PTDSS2: variants seen among roughly 807,000 people sequenced by gnomAD.
The protein encoded by PTDSS2 is phosphatidylserine synthase 2.
In PTDSS2, 41 loss-of-function variants were observed where a neutral mutation model predicts 64.7. That is an observed-to-expected ratio of 0.63 (90% CI 0.49 to 0.82). The LOEUF is 0.82. PTDSS2 is among the 40% of genes least tolerant of loss of function. The pLI is 0.00. For synonymous variants in PTDSS2, 297 were observed against 277.8 expected, an observed-to-expected ratio of 1.07 and a Z score of -0.69; for missense variants, 485 against 650.0, an observed-to-expected ratio of 0.75 and a Z score of 2.76.
intron 3 of PTDSS2, among the ~76,000 whole-genome samples, chr11:474,763 G>A (rs992700660): frequency 1.4e-5 from 2 of 144,704 alleles, no homozygotes; most frequent in Non-Finnish European, 2.9e-5. Flanking sequence ...AGAAAATTTC[G>A]AAAATACAAA....
At chr11:483,382 T>A (rs1343856632) in intron 4 of PTDSS2, among the ~76,000 whole-genome samples, 3 of 151,694 alleles carry the variant, frequency 2.0e-5, no homozygotes, top group African/African-American at 7.3e-5. Flanking sequence ...TAGATCTCCC[T>A]ACCGAGTGGA....
intron 1 of PTDSS2, among the ~76,000 whole-genome samples, chr11:457,617 G>A (rs948069060): frequency 6.6e-6 from 1 of 152,220 alleles, no homozygotes; most frequent in Non-Finnish European, 1.5e-5. Context: ...TCCGCTGGTC[G>A]GAGGGACCAC....
rs190536141 is a variant in PTDSS2, at chr11:470,296, G to A, written c.285-3599G>A. Among the ~76,000 whole-genome samples the A allele has an allele frequency of 6.6e-6, 1 of 152,138 alleles. No homozygotes were observed. The highest frequency in any genetic ancestry group is 1.5e-5 in the Non-Finnish European group (1 of 68,010). ...GCTGCCCCATCCTCCCAACCCCGAC[G>A]ACCCCAGCCCGGCCATGCAGAGGCA... On this transcript the variant is annotated intron_variant, in intron 2 of 11. Coordinates refer to ENST00000308020, the MANE Select transcript of PTDSS2 (RefSeq NM_030783.3). This position sits in a 1 kb window ranked among gnomAD's most constrained non-coding sequence, Gnocchi z 5.3.
intron 1 of PTDSS2, chr11:458,987 G>A (rs1479745412): frequency 6.6e-6 from 1 of 152,300 alleles, no homozygotes; most frequent in Non-Finnish European, 1.5e-5. Flanking sequence ...GGAAACTGAG[G>A]CACGGAGGGG....
In PTDSS2 at chr11:479,231, G is replaced by A; in HGVS notation, c.435+79G>A. 1 of 1,158,748 alleles carries A rather than the reference G, an allele frequency of 8.6e-7. No individual in the cohort carries two copies. Among genetic ancestry groups the A allele is most frequent in the Non-Finnish European group, 1.3e-6 (1 of 764,848 alleles). The allele number at this position is 1,158,748 out of a possible 1,614,324, so 71.8% of individuals were successfully genotyped here. ...CAGGCATGGTGACAAAGGAGGCCTTGCCCACACAGCCCTCGAGTGATGGGA... is the reference window on the plus strand; with the variant it reads ...CAGGCATGGTGACAAAGGAGGCCTTACCCACACAGCCCTCGAGTGATGGGA... On this transcript the variant is annotated intron_variant, in intron 4 of 11. Transcript: ENST00000308020. The surrounding 1 kb of genome is among the most constrained non-coding windows in gnomAD (Gnocchi z 4.2).
At chr11:452,108 G>A (rs979145770) in intron 1 of PTDSS2, among the ~76,000 whole-genome samples, 3 of 152,088 alleles carry the variant, frequency 2.0e-5, no homozygotes, top group African/African-American at 7.2e-5. Flanking sequence ...AGGTCCCGGA[G>A]CAAGAAGACC....
intron 9 of PTDSS2, 27 bp downstream of exon 9, chr11:489,541 GC>G (rs772604748): frequency 4.3e-6 from 7 of 1,609,516 alleles, no homozygotes; most frequent in Middle Eastern, 1.7e-4. Context: ...TCGCGACGGC[GC>G]GGCGGGCGGG....
chr11:454,359 G>T (rs181675803), intron 1 of PTDSS2, among the ~76,000 whole-genome samples: 1 of 152,170 alleles, frequency 6.6e-6, no homozygotes, highest in African/African-American at 2.4e-5. Context: ...GGGGCGAAGG[G>T]TTACCTTTAT....
intron 1 of PTDSS2, among the ~76,000 whole-genome samples, chr11:455,390 G>A (rs1846538812): frequency 6.6e-6 from 1 of 152,162 alleles, no homozygotes; most frequent in African/African-American, 2.4e-5. Context: ...CTCACAGCAG[G>A]CTCCTGTCCC....
intron 4 of PTDSS2, chr11:480,138 G>A (rs1193602282): frequency 2.6e-5 from 4 of 154,750 alleles, no homozygotes; most frequent in Non-Finnish European, 4.3e-5. Context: ...GGAATCGTGG[G>A]GTGGGCAGCC....
At chr11:483,607 A>C (rs1848163197) in intron 4 of PTDSS2, among the ~76,000 whole-genome samples, 1 of 152,220 alleles carries the variant, frequency 6.6e-6, no homozygotes, top group Non-Finnish European at 1.5e-5. Context: ...TAATATGATG[A>C]ATTACATTGA....
rs902963681 is a variant in PTDSS2 at position 479,410 on chromosome 11, G to A, written c.435+258G>A. 3.7e-5 allele frequency: 21 copies of A among 565,340 alleles called. No individual in the cohort carries two copies. Among genetic ancestry groups the A allele is most frequent in the African/African-American group, 5.8e-5 (3 of 51,878 alleles). 35.0% of individuals were successfully genotyped at this position (565,340 alleles called of 1,614,324 possible). ...CTCCAGGAGCATCTGCTGGTGGGGC[G>A]CTGACTGTGGCCATTTAGCAGGGCC... On this transcript the variant is annotated intron_variant, in intron 4 of 11. Transcript: ENST00000308020. This position sits in a 1 kb window ranked among gnomAD's most constrained non-coding sequence, Gnocchi z 4.2.
At chr11:481,297 AGTTT>A (rs1388653550) in intron 4 of PTDSS2, among the ~76,000 whole-genome samples, 1 of 152,160 alleles carries the variant, frequency 6.6e-6, no homozygotes, top group Non-Finnish European at 1.5e-5. Context: ...GAGTTCACCC[AGTTT>A]GTTCTTTTTC....
chr11:481,628 A>G (rs1471679075), intron 4 of PTDSS2, among the ~76,000 whole-genome samples: 11 of 152,148 alleles, frequency 7.2e-5, no homozygotes, highest in Admixed American at 7.2e-4. Flanking sequence ...GAACTGTTTT[A>G]ATTTTACTTT....
rs1170355432 is a variant in PTDSS2 at position 473,916 on chromosome 11, G to T, written c.306G>T (p.Leu102Phe). ...GCAGAGGTATTGTGGCCAGTATTTT[G>T]GTTTTCTTATGTTTTGGAGTCACAC... ...NTKRGIVASI[L>F]VFLCFGVTQA... The change falls in exon 3 of 12, where the codon TTG (leucine) becomes TTT (phenylalanine). Residue 102 changes from leucine (L) to phenylalanine (F), a missense_variant. Leu to Phe is a conservative substitution (Grantham distance 22). This residue lies in a region of PTDSS2 where 251 missense variants were observed against 348.0 expected (regional missense o/e 0.72). Transcript: ENST00000308020. The T allele has an allele frequency of 5.0e-6, 8 of 1,613,586 alleles. No individual in the cohort carries two copies. The highest frequency in any genetic ancestry group is 5.9e-6 in the Non-Finnish European group (7 of 1,179,622).
At chr11:454,901 T>G (rs1382951350) in intron 1 of PTDSS2, among the ~76,000 whole-genome samples, 3 of 152,210 alleles carry the variant, frequency 2.0e-5, no homozygotes, top group African/African-American at 7.2e-5. Flanking sequence ...ACCCCATCCC[T>G]TGAGCTTTGC....
chr11:469,814 G>A (rs897604559), intron 2 of PTDSS2, among the ~76,000 whole-genome samples: 2 of 152,184 alleles, frequency 1.3e-5, no homozygotes, highest in African/African-American at 4.8e-5. Flanking sequence ...GGCAGGAAAT[G>A]CCCAGGATCA....
rs772769036 is a variant in PTDSS2, at chr11:479,038, G to A, written c.368-47G>A. ...CCGGCCTGGGGCTGAGCGGGGCCGT[G>A]GAGGCCTGGACCGGGCGCACTAACG... On this transcript the variant is annotated intron_variant, in intron 3 of 11. Coordinates refer to ENST00000308020, the MANE Select transcript of PTDSS2 (RefSeq NM_030783.3). The surrounding 1 kb of genome is among the most constrained non-coding windows in gnomAD (Gnocchi z 4.2). The A allele has an allele frequency of 1.3e-6, 2 of 1,546,528 alleles. No individual in the cohort carries two copies. Among genetic ancestry groups the A allele is most frequent in the Non-Finnish European group, 1.8e-6 (2 of 1,118,520 alleles).
chr11:465,453 G>A (rs771591292), intron 2 of PTDSS2, among the ~76,000 whole-genome samples: 29 of 152,300 alleles, frequency 1.9e-4, no homozygotes, highest in South Asian at 2.1e-4. Context: ...GATTACAGAT[G>A]TGAGCTATCA....
Sources: allele counts gnomAD v4.1 joint callset (sites outside exome capture counted in the v4.1 genomes callset), GRCh38; gene constraint gnomAD v4.1.1; regional missense constraint gnomAD v4.1.1; non-coding constraint Gnocchi (gnomAD v3.1); transcripts MANE v1.5; gene names NCBI Gene and HGNC (gene_info 2026-07-23, HGNC 2026-07-21).